Variants in ADGRL3 observed in about 807,000 individuals in gnomAD.
ADGRL3 encodes the protein adhesion G protein-coupled receptor L3, also known as calcium-independent alpha-latrotoxin receptor 3.
In ADGRL3, 62 loss-of-function variants were observed where a neutral mutation model predicts 153.5. The ratio of observed to expected loss-of-function variants is 0.40; its 90% CI spans 0.33 to 0.50. The LOEUF (loss-of-function observed/expected upper bound fraction) is 0.50. Ranked by LOEUF, ADGRL3 falls within the 20% of genes least tolerant of loss-of-function variation. ADGRL3 has a pLI of 0.47. For synonymous variants in ADGRL3, 710 were observed against 672.5 expected (o/e 1.06, Z -0.86); for missense variants, 1,641 against 1,859.4 (o/e 0.88, Z 2.16).
At chr4:61,647,586 G>A (rs2094075416) in intron 5 of ADGRL3, among the ~76,000 whole-genome samples, 1 of 151,894 alleles carries the variant, frequency 6.6e-6, no homozygotes, top group African/African-American at 2.4e-5. Flanking sequence ...GATTTTTAGA[G>A]GATTATGAGA....
At chr4:61,896,616 T>G (rs934880182) in intron 11 of ADGRL3, among the ~76,000 whole-genome samples, 2 of 152,302 alleles carry the variant, frequency 1.3e-5, no homozygotes, top group Middle Eastern at 3.4e-3. Context: ...AATAATATAC[T>G]GTATAATAAT....
intron 8 of ADGRL3, among the ~76,000 whole-genome samples, chr4:61,796,338 C>T (rs956821424): frequency 6.6e-6 from 1 of 151,960 alleles, no homozygotes; most frequent in African/African-American, 2.4e-5. Context: ...AGCATTTTTC[C>T]ACCCCAGCGT....
intron 1 of ADGRL3, among the ~76,000 whole-genome samples, chr4:61,246,614 A>G (rs1393296303): frequency 6.6e-6 from 1 of 151,800 alleles, no homozygotes; most frequent in Non-Finnish European, 1.5e-5. Flanking sequence ...TATTTTTCTT[A>G]TTTTTGTTAC....
At chr4:61,335,850 T>C (rs1157571837) in intron 1 of ADGRL3, among the ~76,000 whole-genome samples, 1 of 152,194 alleles carries the variant, frequency 6.6e-6, no homozygotes, top group Non-Finnish European at 1.5e-5. Context: ...TTTCTTTAAA[T>C]GCTTAAGTGA....
chr4:62,009,347 G>A (rs1318366453), intron 21 of ADGRL3, among the ~76,000 whole-genome samples: 1 of 151,706 alleles, frequency 6.6e-6, no homozygotes, highest in East Asian at 1.9e-4. Flanking sequence ...CAATAATAAG[G>A]CACACATTTT....
chr4:61,261,117 G>A (rs1041392327), intron 1 of ADGRL3, among the ~76,000 whole-genome samples: 1 of 151,420 alleles, frequency 6.6e-6, no homozygotes, highest in Non-Finnish European at 1.5e-5. Flanking sequence ...TCCCACTTCA[G>A]CCTCTTGAGT....
chr4:61,895,881 C>CAACAACAGATGATATAGTT, intron 11 of ADGRL3, 47 bp downstream of exon 11: 1 of 1,094,672 alleles, frequency 9.1e-7, no homozygotes, highest in Non-Finnish European at 1.3e-6. Flanking sequence ...ACTATATCAT[C>CAACAACAGATGATATAGTT]TGTTGTTGAT....
chr4:61,907,374 TCA>T (rs1259750549), intron 11 of ADGRL3, among the ~76,000 whole-genome samples: 1 of 151,938 alleles, frequency 6.6e-6, no homozygotes, highest in Non-Finnish European at 1.5e-5. Flanking sequence ...TTTTCCTACC[TCA>T]GTCTCCCAAG....
intron 9 of ADGRL3, among the ~76,000 whole-genome samples, chr4:61,844,563 AAAAAAAAAAAAAAT>A (rs1248842476): frequency 3.6e-5 from 2 of 56,114 alleles, no homozygotes; most frequent in African/African-American, 7.1e-5. Flanking sequence ...AAAAAAAAAA[AAAAAAAAAAAAAAT>A]ATATATATAT....
intron 17 of ADGRL3, among the ~76,000 whole-genome samples, chr4:61,951,792 G>A (rs1203816236): frequency 6.6e-6 from 1 of 152,142 alleles, no homozygotes; most frequent in Non-Finnish European, 1.5e-5. Flanking sequence ...TTGAGCCCAG[G>A]AAGCAGAGGT....
At chr4:61,474,048 A>G (rs1197528983) in intron 2 of ADGRL3, among the ~76,000 whole-genome samples, 2 of 152,116 alleles carry the variant, frequency 1.3e-5, no homozygotes, top group East Asian at 1.9e-4. Flanking sequence ...ATCTGTGAAT[A>G]TTACAGAAGT....
intron 21 of ADGRL3, among the ~76,000 whole-genome samples, chr4:62,001,047 G>T (rs1028671299): frequency 3.3e-5 from 5 of 152,110 alleles, no homozygotes; most frequent in African/African-American, 1.2e-4. Flanking sequence ...GCCTCCTAAA[G>T]TGCTGGGATT....
chr4:61,318,193 CA>C (rs757545966), intron 1 of ADGRL3, among the ~76,000 whole-genome samples: 1,609 of 48,502 alleles, frequency 0.033, 21 homozygotes, highest in African/African-American at 0.082. Context: ...GAACCTGTCT[CA>C]AAAAAAAAAA....
intron 1 of ADGRL3, among the ~76,000 whole-genome samples, chr4:61,276,876 G>C (rs575277452): frequency 1.3e-5 from 2 of 151,950 alleles, no homozygotes; most frequent in Non-Finnish European, 2.9e-5. Flanking sequence ...TATCAGAGTA[G>C]ACATCATAAT....
intron 1 of ADGRL3, among the ~76,000 whole-genome samples, chr4:61,230,826 A>G (rs1750303037): frequency 6.6e-6 from 1 of 152,354 alleles, no homozygotes; most frequent in East Asian, 1.9e-4. Flanking sequence ...TTGGCTAATA[A>G]TATAAGCTAA....
At chr4:61,713,108 A>G (rs1401457338) in intron 6 of ADGRL3, among the ~76,000 whole-genome samples, 1 of 152,166 alleles carries the variant, frequency 6.6e-6, no homozygotes, top group Admixed American at 6.6e-5. Context: ...TGTAAATATT[A>G]ATGCATGTTA....
At position 61,979,711 on chromosome 4, in the gene ADGRL3, G is replaced by A; in HGVS notation, c.2954G>A (p.Cys985Tyr). 1 of 1,613,982 alleles carries A rather than the reference G, an allele frequency of 6.2e-7. No individual in the cohort carries two copies. ...SDRNTIHKNL[C>Y]ISLFVAELLF... The stretch of plus-strand genomic sequence containing the variant: ...CGTAACACCATCCACAAGAACCTCT[G>A]CATCAGTCTCTTTGTAGCAGAGCTG... Residue 985 changes from cysteine (C) to tyrosine (Y), a missense_variant, in exon 18 of 27, where the codon TGC becomes TAC. Around this residue, in one of 5 missense-constraint regions of ADGRL3, gnomAD observed 734 missense variants for 797.0 expected, o/e 0.92. Coordinates refer to ENST00000683033, the MANE Select transcript of ADGRL3 (RefSeq NM_001387552.1).
chr4:61,361,993 T>A lies in ADGRL3; in HGVS notation c.-239-21131T>A, dbSNP rs184261337. Among the ~76,000 whole-genome samples, 3 of 148,844 alleles carry A rather than the reference T, an allele frequency of 2.0e-5. No individual in the cohort carries two copies. In the Admixed American group the frequency reaches 2.0e-4, roughly 10 times the overall value. On this transcript the variant is annotated intron_variant, in intron 1 of 26. Transcript: ENST00000683033. Reference sequence around the variant, plus strand: ...ATAATCATATATATAAAAATATATATATAAATACATATATTTTTTAATAAA... The same window carrying A: ...ATAATCATATATATAAAAATATATAAATAAATACATATATTTTTTAATAAA...
chr4:61,762,645 A>C (rs964625093), intron 8 of ADGRL3, among the ~76,000 whole-genome samples: 3 of 152,186 alleles, frequency 2.0e-5, no homozygotes, highest in Non-Finnish European at 4.4e-5. Context: ...AGCTCTTCTA[A>C]TATTGAGAAA....
Sources: gnomAD v4.1 joint callset for allele counts (sites outside exome capture counted in the v4.1 genomes callset) on GRCh38, gnomAD v4.1.1 for gene constraint, gnomAD v4.1.1 regional missense constraint, MANE v1.5 for transcripts, NCBI Gene and HGNC (gene_info 2026-07-23, HGNC 2026-07-21) for gene names.